CSMD1: variants seen among roughly 807,000 people sequenced by gnomAD.
The protein encoded by CSMD1 is CUB and Sushi multiple domains 1.
A neutral mutation model predicts 417.5 loss-of-function variants in CSMD1; 213 were observed. That is an observed-to-expected ratio of 0.51 (90% CI 0.46 to 0.57). CSMD1 has a LOEUF of 0.57. Ranked by LOEUF, CSMD1 falls within the 20% of genes least tolerant of loss-of-function variation. The pLI is 0.00. For synonymous variants in CSMD1, 2,862 were observed against 1,736.8 expected (o/e 1.65, Z -16.11); for missense variants, 6,923 against 4,529.7 (o/e 1.53, Z -15.17).
At chr8:3,479,166 T>C (rs1021156093) in intron 11 of CSMD1, among the ~76,000 whole-genome samples, 6 of 152,066 alleles carry the variant, frequency 3.9e-5, no homozygotes, top group African/African-American at 1.4e-4. Flanking sequence ...CATTGGAACC[T>C]CCTCCCCAGC....
At chr8:3,764,550 G>T (rs74340281) in intron 5 of CSMD1, among the ~76,000 whole-genome samples, 2 of 151,986 alleles carry the variant, frequency 1.3e-5, no homozygotes, top group Non-Finnish European at 2.9e-5. Context: ...GGGGAGTACA[G>T]GTTGCTGTGA....
chr8:4,244,677 G>T (rs1176852396), intron 3 of CSMD1, among the ~76,000 whole-genome samples: 1 of 151,944 alleles, frequency 6.6e-6, no homozygotes, highest in Non-Finnish European at 1.5e-5. Context: ...TTTAAATTGT[G>T]TTATTTTCAC....
rs555169538 is a variant in CSMD1, at chr8:4,033,858, C to A, written c.416-1759G>T. Reference sequence around the variant, plus strand: ...TATAGAACATGATTTTGAACTGAAACGGTACATCATTCAGTTGAATGGATG... The same window carrying A: ...TATAGAACATGATTTTGAACTGAAAAGGTACATCATTCAGTTGAATGGATG... On this transcript the variant is annotated intron_variant, in intron 3 of 69. Coordinates refer to ENST00000635120, the MANE Select transcript of CSMD1 (RefSeq NM_033225.6). 2.6e-5 allele frequency among the ~76,000 whole-genome samples: 4 copies of A among 152,262 alleles called. No homozygotes were observed. The South Asian group carries it at 6.2e-4, about 24-fold the overall frequency.
At chr8:4,415,428 G>A (rs941411164) in intron 3 of CSMD1, among the ~76,000 whole-genome samples, 8 of 151,906 alleles carry the variant, frequency 5.3e-5, no homozygotes, top group Admixed American at 2.6e-4. Context: ...TTTAGCGCAC[G>A]TGCTTTAATA....
At chr8:3,197,577 T>C (rs974740955) in intron 33 of CSMD1, among the ~76,000 whole-genome samples, 1 of 151,420 alleles carries the variant, frequency 6.6e-6, no homozygotes, top group African/African-American at 2.4e-5. Context: ...GCCATTCTCC[T>C]GCCTCAGCCT....
chr8:4,502,877 T>C (rs1011739392), intron 2 of CSMD1, among the ~76,000 whole-genome samples: 3 of 152,184 alleles, frequency 2.0e-5, no homozygotes, highest in African/African-American at 7.2e-5. Flanking sequence ...AGAAAAAGTT[T>C]GATTGAAAAA....
intron 1 of CSMD1, among the ~76,000 whole-genome samples, chr8:4,682,566 T>C (rs1341269828): frequency 2.0e-5 from 3 of 152,058 alleles, no homozygotes; most frequent in Non-Finnish European, 4.4e-5. Flanking sequence ...TAAAAACAGA[T>C]AAGATAATAC....
Position 3,065,908 on chromosome 8 carries a change from T to G in CSMD1, c.7475-13261A>C, listed in dbSNP as rs551230438. ...ATGAAAATGAGTGAAGAGCGTAGTT[T>G]CTACAGCTTTGAGGTTATCACCCAC... On this transcript the variant is annotated intron_variant, in intron 49 of 69. Coordinates refer to ENST00000635120, the MANE Select transcript of CSMD1 (RefSeq NM_033225.6). 7.2e-5 allele frequency among the ~76,000 whole-genome samples: 11 copies of G among 152,348 alleles called. No homozygotes were observed. The South Asian group carries it at 2.3e-3, about 32-fold the overall frequency.
chr8:4,042,599 G>A (rs775949706), intron 3 of CSMD1, among the ~76,000 whole-genome samples: 4 of 151,612 alleles, frequency 2.6e-5, no homozygotes, highest in Non-Finnish European at 4.4e-5. Context: ...CCAAGCACCA[G>A]GAATGATACC....
Position 3,806,577 on chromosome 8 carries a change from C to T in CSMD1, c.819-52535G>A, listed in dbSNP as rs79730130. Among the ~76,000 whole-genome samples, 6 of 152,278 alleles carry T rather than the reference C, an allele frequency of 3.9e-5. No individual in the cohort carries two copies. The East Asian group carries it at 1.2e-3, about 29-fold the overall frequency. ...ACACTTATCATAGAAATGTAAACTC[C>T]TGCAGAGCTTCTTCCCAGAGTAGTA... On this transcript the variant is annotated intron_variant, in intron 5 of 69. Coordinates refer to ENST00000635120, the MANE Select transcript of CSMD1 (RefSeq NM_033225.6).
At chr8:4,264,800 ATTC>A (rs1804137161) in intron 3 of CSMD1, among the ~76,000 whole-genome samples, 2 of 152,180 alleles carry the variant, frequency 1.3e-5, no homozygotes, top group Admixed American at 6.5e-5. Context: ...GGACAAGTTA[ATTC>A]TTCTTGTTGT....
rs13280776 is a variant in CSMD1, at chr8:4,042,538, G to A, written c.416-10439C>T. ...GTCACTAGCAGGCCCATACCACAAG[G>A]AATATTAAAATGAGTCATTCCAGCG... is the stretch of plus-strand genomic sequence containing the variant. On this transcript the variant is annotated intron_variant, in intron 3 of 69. Coordinates refer to ENST00000635120, the MANE Select transcript of CSMD1 (RefSeq NM_033225.6). Among the ~76,000 whole-genome samples, 7 of 151,876 alleles carry A rather than the reference G, an allele frequency of 4.6e-5. No homozygotes were observed. The South Asian group carries it at 1.0e-3, about 23-fold the overall frequency.
At chr8:3,775,469 C>T (rs1010317379) in intron 5 of CSMD1, among the ~76,000 whole-genome samples, 2 of 152,096 alleles carry the variant, frequency 1.3e-5, no homozygotes, top group Admixed American at 1.3e-4. Flanking sequence ...ATCAATGATA[C>T]TCATGAAAAG....
At chr8:4,584,845 G>A (rs143288957) in intron 2 of CSMD1, among the ~76,000 whole-genome samples, 1 of 152,148 alleles carries the variant, frequency 6.6e-6, no homozygotes, top group African/African-American at 2.4e-5. Context: ...TCTCCTATAA[G>A]AAAACCAGCT....
chr8:3,779,150 TGTGTGTGTGTGTGTG>T (rs955682136), intron 5 of CSMD1, among the ~76,000 whole-genome samples: 13 of 16,540 alleles, frequency 7.9e-4, no homozygotes, highest in African/African-American at 2.9e-3. Flanking sequence ...CGTGCATACT[TGTGTGTGTGTGTGTG>T]TGTGTGTGTG....
At chr8:4,705,993 G>T (rs1207668809) in intron 1 of CSMD1, among the ~76,000 whole-genome samples, 1 of 151,338 alleles carries the variant, frequency 6.6e-6, no homozygotes, top group Admixed American at 6.6e-5. Context: ...TTTATGAACT[G>T]TAATTTTTTT....
At chr8:3,392,411 G>A (rs866181924) in intron 17 of CSMD1, among the ~76,000 whole-genome samples, 8 of 152,094 alleles carry the variant, frequency 5.3e-5, no homozygotes, top group Middle Eastern at 3.4e-3. Context: ...CTATTTTGTC[G>A]AAGGGTGCTA....
chr8:3,967,242 T>C (rs975013395), intron 5 of CSMD1, among the ~76,000 whole-genome samples: 1 of 151,676 alleles, frequency 6.6e-6, no homozygotes, highest in Non-Finnish European at 1.5e-5. Context: ...CCTATTCTGA[T>C]CTAATTCTTC....
At chr8:3,461,070 T>C (rs965193742) in intron 12 of CSMD1, among the ~76,000 whole-genome samples, 6 of 152,208 alleles carry the variant, frequency 3.9e-5, no homozygotes, top group Non-Finnish European at 4.4e-5. Context: ...GACACGACTC[T>C]TTCCCTTGCA....
Sources: gnomAD v4.1 joint callset for allele counts (sites outside exome capture counted in the v4.1 genomes callset) on GRCh38, gnomAD v4.1.1 for gene constraint, MANE v1.5 for transcripts, NCBI Gene and HGNC (gene_info 2026-07-23, HGNC 2026-07-21) for gene names.